PYROXD2: variants seen among roughly 807,000 people sequenced by gnomAD.
PYROXD2 encodes pyridine nucleotide-disulfide oxidoreductase domain-containing protein 2.
Under a neutral mutation model 71.1 loss-of-function variants are expected in PYROXD2, and 69 were observed. The ratio of observed to expected loss-of-function variants is 0.97; its 90% CI spans 0.80 to 1.19. The LOEUF is 1.19. Among genes scored for constraint, PYROXD2 ranks in the 50% most tolerant of loss-of-function variants. The pLI is 0.00. For synonymous variants in PYROXD2, 287 were observed against 302.7 expected, an observed-to-expected ratio of 0.95 and a Z score of 0.54; for missense variants, 745 against 748.9, an observed-to-expected ratio of 0.99 and a Z score of 0.06.
chr10:98,384,919 C>T lies in PYROXD2; in HGVS notation c.1675+28G>A, dbSNP rs191156429. 7.2e-4 allele frequency: 1,140 copies of T among 1,593,730 alleles called. 1 individual carries two copies. Among genetic ancestry groups the T allele is most frequent in the Non-Finnish European group, 8.9e-4 (1,042 of 1,172,514 alleles). On this transcript the variant is annotated intron_variant, in intron 15 of 15. Coordinates refer to ENST00000370575, the MANE Select transcript of PYROXD2 (RefSeq NM_032709.3). ...CTCCAGTGAGCCCTCCCAGTCCCCA[C>T]AGGGTAGTGGGACTCCAGGTCACTC...
chr10:98,385,438 C>T (rs1402423322), intron 14 of PYROXD2, among the ~76,000 whole-genome samples: 4 of 152,268 alleles, frequency 2.6e-5, no homozygotes, highest in Non-Finnish European at 4.4e-5. Flanking sequence ...CCAAGGCATC[C>T]ACCTGAGCCC....
intron 14 of PYROXD2, among the ~76,000 whole-genome samples, chr10:98,386,084 C>T: frequency 6.6e-6 from 1 of 150,898 alleles, no homozygotes; most frequent in East Asian, 1.9e-4. Context: ...TGAGACCAGC[C>T]TAGACAACAC....
chr10:98,390,957 T>C, intron 11 of PYROXD2, 53 bp downstream of exon 11: 1 of 1,472,872 alleles, frequency 6.8e-7, no homozygotes, highest in South Asian at 1.1e-5. Context: ...CCTGGAGGTT[T>C]CTCACTCAGA....
At chr10:98,399,334 T>C (rs771304211) in intron 5 of PYROXD2, among the ~76,000 whole-genome samples, 6 of 152,134 alleles carry the variant, frequency 3.9e-5, no homozygotes, top group African/African-American at 1.2e-4. Flanking sequence ...GTTCTTCTTA[T>C]AAAAATGTCT....
chr10:98,395,358 C>T, intron 7 of PYROXD2, 33 bp downstream of exon 7: 3 of 1,612,962 alleles, frequency 1.9e-6, no homozygotes, highest in Non-Finnish European at 2.5e-6. Context: ...CCTCTCACTG[C>T]CTGGTCGGGC....
At chr10:98,402,394 T>C (rs17109653) in intron 4 of PYROXD2, among the ~76,000 whole-genome samples, 23,914 of 152,226 alleles carry the variant, frequency 0.16, 2,932 homozygotes, top group African/African-American at 0.34. Flanking sequence ...AATCAAGCAA[T>C]GGTTATGTGA....
At chr10:98,403,842 T>A (rs1843505425) in intron 4 of PYROXD2, among the ~76,000 whole-genome samples, 1 of 152,214 alleles carries the variant, frequency 6.6e-6, no homozygotes. Flanking sequence ...TTCACTGCCG[T>A]ACACCCAAGG....
At chr10:98,390,563 AG>A in intron 12 of PYROXD2, 34 bp downstream of exon 12, 1 of 1,526,202 alleles carries the variant, frequency 6.6e-7, no homozygotes, top group South Asian at 1.3e-5. Context: ...CCCATGTGGA[AG>A]AACATCAGGG....
Position 98,383,926 on chromosome 10 carries a change from T to C in PYROXD2, c.1676-58A>G, listed in dbSNP as rs1169871684. The C allele has an allele frequency of 4.2e-6, 6 of 1,434,720 alleles. No homozygotes were observed. The Admixed American group carries it at 1.0e-4, about 24-fold the overall frequency. The allele number at this position is 1,434,720 out of a possible 1,614,324, so 88.9% of individuals were successfully genotyped here. On this transcript the variant is annotated intron_variant, in intron 15 of 15. Transcript: ENST00000370575. ...GCTCAAAAACCTGCCAGGGTGGGGGTGGGGACAGGGCTTACAGAGATCCAG... is the reference window on the plus strand; with the variant it reads ...GCTCAAAAACCTGCCAGGGTGGGGGCGGGGACAGGGCTTACAGAGATCCAG...
intron 7 of PYROXD2, 48 bp from the exon 8 acceptor site, chr10:98,395,341 G>C: frequency 1.2e-6 from 2 of 1,612,762 alleles, no homozygotes; most frequent in Non-Finnish European, 1.7e-6. Context: ...CTGGATGGGA[G>C]GAGGGCCCTC....
chr10:98,393,871 A>C (rs886420362), intron 8 of PYROXD2, among the ~76,000 whole-genome samples: 7 of 151,874 alleles, frequency 4.6e-5, no homozygotes, highest in African/African-American at 1.7e-4. Context: ...CATCCTCCTA[A>C]CTAACAGAAC....
intron 2 of PYROXD2, chr10:98,410,680 T>C (rs2136035342): frequency 1.9e-6 from 1 of 523,844 alleles, no homozygotes; most frequent in East Asian, 3.2e-5. Flanking sequence ...GCTCCCTGAC[T>C]CCCTCACAGG....
intron 6 of PYROXD2, among the ~76,000 whole-genome samples, chr10:98,397,009 A>G (rs935805720): frequency 1.3e-5 from 2 of 152,120 alleles, no homozygotes; most frequent in African/African-American, 4.8e-5. Flanking sequence ...GCATCTTGTC[A>G]CCCACAGTGC....
intron 1 of PYROXD2, among the ~76,000 whole-genome samples, chr10:98,413,658 G>C (rs1843864821): frequency 6.6e-6 from 1 of 152,264 alleles, no homozygotes; most frequent in East Asian, 1.9e-4. Flanking sequence ...AGGTTGCAGT[G>C]AGCCGAGATT....
intron 15 of PYROXD2, 104 bp from the exon 16 acceptor site, chr10:98,383,972 G>A: frequency 1.0e-6 from 1 of 986,488 alleles, no homozygotes; most frequent in South Asian, 1.3e-5. Flanking sequence ...GAGTGGGGCT[G>A]GTTAGAGGGG....
At position 98,415,040 on chromosome 10, in the gene PYROXD2, C is replaced by T. The variant is rs771032454; in HGVS notation, c.96G>A (p.Lys32=). 3 of 1,614,000 alleles carry T rather than the reference C, an allele frequency of 1.9e-6. No individual in the cohort carries two copies. The highest frequency in any genetic ancestry group is 2.2e-5 in the South Asian group (2 of 91,022). ...RDNTEARGGL[K]PEYDAVVIGA... Reference sequence around the variant, plus strand: ...CTATCACCACCGCATCATACTCAGGCTTCAGACCTCCCCTGGCTTCCGTGT... The same window carrying T: ...CTATCACCACCGCATCATACTCAGGTTTCAGACCTCCCCTGGCTTCCGTGT... Residue 32 remains lysine (K), a synonymous_variant, in exon 1 of 16, where the codon AAG becomes AAA. Coordinates refer to ENST00000370575, the MANE Select transcript of PYROXD2 (RefSeq NM_032709.3).
chr10:98,406,041 C>T (rs1386900660), intron 4 of PYROXD2, among the ~76,000 whole-genome samples: 1 of 152,168 alleles, frequency 6.6e-6, no homozygotes, highest in African/African-American at 2.4e-5. Flanking sequence ...TAGTTGTCCT[C>T]CTGTCAATGC....
intron 1 of PYROXD2, among the ~76,000 whole-genome samples, chr10:98,413,209 A>G (rs1403554738): frequency 6.6e-6 from 1 of 152,182 alleles, no homozygotes; most frequent in African/African-American, 2.4e-5. Context: ...CTATGGTGGG[A>G]GTATTTACAC....
intron 5 of PYROXD2, among the ~76,000 whole-genome samples, chr10:98,398,085 G>C (rs919580550): frequency 1.3e-5 from 2 of 152,054 alleles, no homozygotes; most frequent in Non-Finnish European, 2.9e-5. Context: ...GTTTCACCAT[G>C]TTGGCCAGGC....
Sources: gnomAD v4.1 joint callset for allele counts (sites outside exome capture counted in the v4.1 genomes callset) on GRCh38, gnomAD v4.1.1 for gene constraint, MANE v1.5 for transcripts, NCBI Gene and HGNC (gene_info 2026-07-23, HGNC 2026-07-21) for gene names.